PAK3: variants seen among roughly 807,000 people sequenced by gnomAD.
PAK3 encodes p21 (RAC1) activated kinase 3.
PAK3 carries 4 observed loss-of-function variants against 41.0 expected under a neutral mutation model. The observed-to-expected ratio is 0.10, with a 90% CI of 0.05 to 0.22. PAK3 has a LOEUF of 0.22. Ranked by LOEUF, PAK3 falls within the 10% of genes least tolerant of loss-of-function variation. The pLI is 1.00. For missense variants in PAK3, 205 were observed against 409.9 expected (o/e 0.50, Z 4.32); for synonymous variants, 146 against 139.6 (o/e 1.05, Z -0.32).
intron 1 of PAK3, among the ~76,000 whole-genome samples, chrX:111,062,297 T>C (rs1250718445): frequency 8.9e-6 from 1 of 112,448 alleles, no homozygotes; most frequent in Non-Finnish European, 1.9e-5. Context: ...ATTTTCATGA[T>C]TAAAGTAGGT....
At chrX:110,984,369 C>T (rs1227160539) in intron 1 of PAK3, among the ~76,000 whole-genome samples, 1 of 111,887 alleles carries the variant, frequency 8.9e-6, no homozygotes, top group Non-Finnish European at 1.9e-5. Flanking sequence ...AATGTACATA[C>T]TCAGTGGCAC....
At chrX:111,014,434 T>C (rs1267093892) in intron 1 of PAK3, among the ~76,000 whole-genome samples, 1 of 111,266 alleles carries the variant, frequency 9.0e-6, no homozygotes, top group East Asian at 2.8e-4. Flanking sequence ...AAGTGAGAAG[T>C]TGGGGGTGAG....
At chrX:110,948,249 T>G (rs1045733861) in intron 1 of PAK3, among the ~76,000 whole-genome samples, 1 of 112,152 alleles carries the variant, frequency 8.9e-6, no homozygotes, top group Non-Finnish European at 1.9e-5. Context: ...AGTCCATCAA[T>G]CTGAACATAC....
chrX:111,213,389 A>AT (rs1475343504), intron 16 of PAK3, among the ~76,000 whole-genome samples: 5 of 112,168 alleles, frequency 4.5e-5, no homozygotes, highest in African/African-American at 9.7e-5. Flanking sequence ...GATTAAGGTC[A>AT]TTTTTTTGGA....
chrX:111,203,199 A>G (rs1282154203), intron 16 of PAK3, among the ~76,000 whole-genome samples: 1 of 111,996 alleles, frequency 8.9e-6, no homozygotes, highest in Non-Finnish European at 1.9e-5. Flanking sequence ...GTCCAACCAA[A>G]AAATAACACT....
At chrX:110,963,347 C>G (rs2091017447) in intron 1 of PAK3, among the ~76,000 whole-genome samples, 1 of 112,142 alleles carries the variant, frequency 8.9e-6, no homozygotes, top group South Asian at 3.7e-4. Flanking sequence ...TCTTTGTTCT[C>G]AGGGCAGCTT....
At chrX:110,986,797 G>A (rs1012611799) in intron 1 of PAK3, among the ~76,000 whole-genome samples, 7 of 110,469 alleles carry the variant, frequency 6.3e-5, no homozygotes, top group African/African-American at 2.0e-4. Flanking sequence ...GTGTCCATTC[G>A]TGTGTTGCAT....
At chrX:110,948,953 G>A (rs901953334) in intron 1 of PAK3, among the ~76,000 whole-genome samples, 1 of 112,137 alleles carries the variant, frequency 8.9e-6, no homozygotes, top group African/African-American at 3.2e-5. Context: ...AGCTACAAAT[G>A]CCTATGGAAG....
intron 1 of PAK3, among the ~76,000 whole-genome samples, chrX:110,998,200 T>C (rs188576853): frequency 9.7e-4 from 108 of 111,252 alleles, no homozygotes; most frequent in African/African-American, 3.1e-3. Flanking sequence ...TAAGTTCAGG[T>C]AGAAAAGAGA....
intron 6 of PAK3, among the ~76,000 whole-genome samples, chrX:111,143,244 A>G (rs2093897811): frequency 9.0e-6 from 1 of 111,568 alleles, no homozygotes; most frequent in South Asian, 3.8e-4. Flanking sequence ...AGTAGTGAAT[A>G]GACTGTGTTA....
chrX:110,991,289 G>A (rs188008431), intron 1 of PAK3, among the ~76,000 whole-genome samples: 16 of 112,063 alleles, frequency 1.4e-4, no homozygotes, highest in Non-Finnish European at 2.8e-4. Flanking sequence ...ATTACATGAT[G>A]TGTGTTAAAC....
intron 1 of PAK3, among the ~76,000 whole-genome samples, chrX:111,052,827 T>C (rs1476196623): frequency 7.1e-5 from 8 of 112,551 alleles, no homozygotes; most frequent in Non-Finnish European, 1.1e-4. Flanking sequence ...TTTTGTCTTC[T>C]TTCATGGAAC....
chrX:111,131,018 T>G (rs1003302614), intron 5 of PAK3, among the ~76,000 whole-genome samples: 5 of 111,821 alleles, frequency 4.5e-5, no homozygotes, highest in African/African-American at 1.6e-4. Flanking sequence ...CCAGTGGTAG[T>G]TGAAGACTAT....
At chrX:111,036,092 G>A (rs1276029419) in intron 1 of PAK3, among the ~76,000 whole-genome samples, 1 of 112,191 alleles carries the variant, frequency 8.9e-6, no homozygotes, top group Non-Finnish European at 1.9e-5. Context: ...TCTCTAGGCA[G>A]CCATTTCCTG....
chrX:110,953,538 G>T (rs2090789551), intron 1 of PAK3, among the ~76,000 whole-genome samples: 1 of 112,289 alleles, frequency 8.9e-6, no homozygotes, highest in South Asian at 3.7e-4. Flanking sequence ...GTAGACCCAG[G>T]AAACCTATTT....
At chrX:111,118,476 A>C (rs767608411) in intron 4 of PAK3, among the ~76,000 whole-genome samples, 1 of 110,987 alleles carries the variant, frequency 9.0e-6, no homozygotes, top group African/African-American at 3.3e-5. Context: ...ATGTATATAT[A>C]TCTCAGATTA....
chrX:110,944,923 C>A (rs1226673056), intron 1 of PAK3, among the ~76,000 whole-genome samples: 1 of 111,996 alleles, frequency 8.9e-6, no homozygotes, highest in African/African-American at 3.2e-5. Flanking sequence ...CCAGGCTGAG[C>A]TTTCTCTTGT....
intron 1 of PAK3, among the ~76,000 whole-genome samples, chrX:110,984,988 G>A: frequency 9.0e-6 from 1 of 111,180 alleles, no homozygotes; most frequent in Non-Finnish European, 1.9e-5. Flanking sequence ...AATTAGCCAG[G>A]CGTGTTGGTG....
intron 1 of PAK3, among the ~76,000 whole-genome samples, chrX:111,083,662 TC>T (rs1474548453): frequency 1.8e-5 from 2 of 112,567 alleles, no homozygotes; most frequent in East Asian, 5.6e-4. Flanking sequence ...TCCTTCTTCC[TC>T]TATTTTCATC....
Sources: allele counts gnomAD v4.1 joint callset (sites outside exome capture counted in the v4.1 genomes callset), GRCh38; gene constraint gnomAD v4.1.1; transcripts MANE v1.5; gene names NCBI Gene and HGNC (gene_info 2026-07-23, HGNC 2026-07-21).